VPS41: variants seen among roughly 807,000 people sequenced by gnomAD.
VPS41 encodes VPS41 subunit of HOPS complex, also known as vacuolar protein sorting-associated protein 41 homolog.
A neutral mutation model predicts 130.9 loss-of-function variants in VPS41; 85 were observed. The observed-to-expected ratio is 0.65, with a 90% CI of 0.55 to 0.78. The LOEUF (loss-of-function observed/expected upper bound fraction) is 0.78. Ranked by LOEUF, VPS41 falls within the 30% of genes least tolerant of loss-of-function variation. VPS41 has a pLI of 0.00. For synonymous variants in VPS41, 335 were observed against 332.9 expected, an observed-to-expected ratio of 1.01 and a Z score of -0.07; for missense variants, 874 against 1,018.7, an observed-to-expected ratio of 0.86 and a Z score of 1.93.
At position 38,724,736 on chromosome 7, in the gene VPS41, G is replaced by A. The variant is rs1562560762; in HGVS notation, c.*1510C>T. 6.5e-6 allele frequency: 1 copy of A among 152,706 alleles called. No individual in the cohort carries two copies. The highest frequency in any genetic ancestry group is 2.1e-4 in the South Asian group (1 of 4,830). The allele number at this position is 152,706 out of a possible 1,614,324, so 9.5% of individuals were successfully genotyped here. A position where few individuals can be genotyped will look rare whatever the true frequency, so the allele number is the denominator to read the frequency against. ...AGCCTCCTGAGTAGCTGGGATTACAGGCATGTACCACCACGCCTGGCTAAT... is the reference window on the plus strand; with the variant it reads ...AGCCTCCTGAGTAGCTGGGATTACAAGCATGTACCACCACGCCTGGCTAAT... On this transcript the variant is annotated 3_prime_UTR_variant, in exon 29 of 29. Coordinates refer to ENST00000310301, the MANE Select transcript of VPS41 (RefSeq NM_014396.4).
chr7:38,770,927 C>G (rs1011924147), intron 14 of VPS41, among the ~76,000 whole-genome samples: 3 of 152,142 alleles, frequency 2.0e-5, no homozygotes, highest in Non-Finnish European at 4.4e-5. Flanking sequence ...GGGAAACTTT[C>G]ATACACATAA....
chr7:38,786,225 A>G (rs1332273693), intron 10 of VPS41, among the ~76,000 whole-genome samples: 1 of 152,198 alleles, frequency 6.6e-6, no homozygotes, highest in Non-Finnish European at 1.5e-5. Context: ...TTGTTTATGA[A>G]TAATCTTGAG....
At chr7:38,869,091 G>A in intron 3 of VPS41, 55 bp downstream of exon 3, 2 of 1,394,290 alleles carry the variant, frequency 1.4e-6, no homozygotes, top group Non-Finnish European at 9.8e-7. Context: ...CAAAGCACAA[G>A]CAAATTTACA....
At chr7:38,776,928 T>C (rs987594712) in intron 10 of VPS41, 152 bp from the exon 11 acceptor site, 4 of 502,224 alleles carry the variant, frequency 8.0e-6, no homozygotes, top group Non-Finnish European at 1.4e-5. Context: ...AACTCAGCAC[T>C]GCAAGTGCTT....
intron 4 of VPS41, among the ~76,000 whole-genome samples, chr7:38,840,791 G>A (rs928870193): frequency 1.3e-5 from 2 of 152,254 alleles, no homozygotes; most frequent in South Asian, 2.1e-4. Flanking sequence ...TACCAGACAG[G>A]CTGCTGGCTT....
intron 14 of VPS41, 56 bp from the exon 15 acceptor site, chr7:38,767,654 G>T: frequency 7.3e-7 from 1 of 1,376,162 alleles, no homozygotes; most frequent in Admixed American, 1.7e-5. Flanking sequence ...CTGAAAAGTT[G>T]AGTCTCGGTT....
chr7:38,749,296 C>T (rs1207444977), intron 22 of VPS41, among the ~76,000 whole-genome samples: 6 of 152,054 alleles, frequency 3.9e-5, no homozygotes, highest in Non-Finnish European at 5.9e-5. Context: ...AATCAGTTGC[C>T]AATCTGAAAT....
intron 14 of VPS41, 36 bp downstream of exon 14, chr7:38,771,162 T>C (rs756178986): frequency 2.7e-5 from 39 of 1,429,086 alleles, no homozygotes; most frequent in Non-Finnish European, 3.4e-5. Context: ...TATTGAAAGA[T>C]AAAATTATGT....
intron 9 of VPS41, among the ~76,000 whole-genome samples, chr7:38,793,151 C>T (rs747200594): frequency 6.6e-6 from 1 of 152,180 alleles, no homozygotes; most frequent in African/African-American, 2.4e-5. Flanking sequence ...GCTATACTTA[C>T]TTGTTTTTGT....
At chr7:38,773,938 T>C (rs896308755) in intron 12 of VPS41, among the ~76,000 whole-genome samples, 177 bp downstream of exon 12, 3 of 152,202 alleles carry the variant, frequency 2.0e-5, no homozygotes, top group Non-Finnish European at 2.9e-5. Flanking sequence ...TAGGAGCTTA[T>C]GCAAGTTTTG....
At chr7:38,813,710 T>C (rs1489303511) in intron 7 of VPS41, among the ~76,000 whole-genome samples, 1 of 152,232 alleles carries the variant, frequency 6.6e-6, no homozygotes, top group Non-Finnish European at 1.5e-5. Flanking sequence ...TGTTTTCTTT[T>C]AAATTATTTT....
At chr7:38,821,351 A>G (rs1785167881) in intron 5 of VPS41, 86 bp from the exon 6 acceptor site, 2 of 886,486 alleles carry the variant, frequency 2.3e-6, no homozygotes, top group Non-Finnish European at 3.6e-6. Context: ...TATCAATAAG[A>G]AAAGTAGAAT....
chr7:38,892,949 G>A (rs148934324), intron 2 of VPS41, among the ~76,000 whole-genome samples: 201 of 151,998 alleles, frequency 1.3e-3, no homozygotes, highest in African/African-American at 4.6e-3. Flanking sequence ...TTTGTCTTCC[G>A]CTACTGCCTT....
At chr7:38,758,305 CTT>C in intron 18 of VPS41, 47 bp downstream of exon 18, 1 of 1,539,872 alleles carries the variant, frequency 6.5e-7, no homozygotes, top group Admixed American at 2.1e-5. Flanking sequence ...GTATGAAAAA[CTT>C]TTCAACACAG....
chr7:38,813,580 C>A (rs1238039220), intron 7 of VPS41, among the ~76,000 whole-genome samples: 3 of 152,110 alleles, frequency 2.0e-5, no homozygotes, highest in African/African-American at 7.2e-5. Context: ...TGACTTAATA[C>A]CAATTACTTA....
chr7:38,724,348 A>C lies in VPS41; in HGVS notation c.*1898T>G, dbSNP rs1467034561. 3 of 152,240 alleles carry C rather than the reference A, an allele frequency of 2.0e-5. No individual in the cohort carries two copies. The highest frequency in any genetic ancestry group is 4.4e-5 in the Non-Finnish European group (3 of 68,048). The allele number at this position is 152,240 out of a possible 1,614,324, so 9.4% of individuals were successfully genotyped here. ...GAATCTGTAAATTGGTAATGTTGAA[A>C]AGAAAAAACAATTGGGTAAGAACAA... is the stretch of plus-strand genomic sequence containing the variant. On this transcript the variant is annotated 3_prime_UTR_variant, in exon 29 of 29. Transcript: ENST00000310301.
intron 4 of VPS41, among the ~76,000 whole-genome samples, chr7:38,857,945 G>A (rs1786021313): frequency 6.6e-6 from 1 of 152,216 alleles, no homozygotes; most frequent in African/African-American, 2.4e-5. Flanking sequence ...ATTCAAAGAT[G>A]TTCTGACTGG....
chr7:38,729,840 C>A (rs1030054625), intron 25 of VPS41, among the ~76,000 whole-genome samples: 1 of 152,206 alleles, frequency 6.6e-6, no homozygotes, highest in Non-Finnish European at 1.5e-5. Flanking sequence ...AGCTCCCACC[C>A]TTTGCTGGGT....
At chr7:38,762,096 T>C (rs928930696) in intron 17 of VPS41, among the ~76,000 whole-genome samples, 1 of 152,168 alleles carries the variant, frequency 6.6e-6, no homozygotes, top group Non-Finnish European at 1.5e-5. Context: ...TCATCTTGTA[T>C]GATAAAAGCA....
Sources: gnomAD v4.1 joint callset for allele counts (sites outside exome capture counted in the v4.1 genomes callset) on GRCh38, gnomAD v4.1.1 for gene constraint, MANE v1.5 for transcripts, NCBI Gene and HGNC (gene_info 2026-07-23, HGNC 2026-07-21) for gene names.